DPYD: variants seen among roughly 807,000 people sequenced by gnomAD.
DPYD encodes the protein dihydropyrimidine dehydrogenase, also known as dihydropyrimidine dehydrogenase [NADP(+)].
DPYD carries 109 observed loss-of-function variants against 116.2 expected under a neutral mutation model. That is an observed-to-expected ratio of 0.94 (90% CI 0.80 to 1.10). DPYD has a LOEUF of 1.10. Ranked by LOEUF, DPYD falls within the 50% of genes least tolerant of loss-of-function variation. The probability of loss-of-function intolerance (pLI) is 0.00; values close to 1 mark genes in which losing one functional copy is unlikely to be tolerated. For missense variants in DPYD, 1,302 were observed against 1,254.5 expected (o/e 1.04, Z -0.57); for synonymous variants, 440 against 432.0 (o/e 1.02, Z -0.23).
At chr1:97,627,429 A>G (rs1332657388) in intron 8 of DPYD, among the ~76,000 whole-genome samples, 2 of 152,094 alleles carry the variant, frequency 1.3e-5, no homozygotes, top group Non-Finnish European at 2.9e-5. Context: ...CCAGTGTTCC[A>G]TTGTGCACTG....
chr1:97,267,467 G>A (rs771642003), intron 18 of DPYD, among the ~76,000 whole-genome samples: 1 of 152,104 alleles, frequency 6.6e-6, no homozygotes, highest in Non-Finnish European at 1.5e-5. Flanking sequence ...TCCAGAAGCT[G>A]GGAAATCCAA....
chr1:97,766,549 A>C (rs1453577060), intron 3 of DPYD, among the ~76,000 whole-genome samples: 1 of 152,154 alleles, frequency 6.6e-6, no homozygotes, highest in Non-Finnish European at 1.5e-5. Flanking sequence ...ACTATGATCA[A>C]ATTAAGGCTG....
At chr1:97,125,245 CT>C (rs1652747208) in intron 20 of DPYD, among the ~76,000 whole-genome samples, 1 of 151,998 alleles carries the variant, frequency 6.6e-6, no homozygotes, top group Non-Finnish European at 1.5e-5. Flanking sequence ...TGAATGGAGA[CT>C]CAACATGTAT....
chr1:97,135,730 A>G (rs1045746203), intron 20 of DPYD, among the ~76,000 whole-genome samples: 1 of 152,168 alleles, frequency 6.6e-6, no homozygotes, highest in African/African-American at 2.4e-5. Context: ...CTTGTTTTCT[A>G]TCCTCTATAC....
intron 8 of DPYD, among the ~76,000 whole-genome samples, chr1:97,598,944 G>A (rs1655066561): frequency 6.6e-6 from 1 of 152,176 alleles, no homozygotes; most frequent in Admixed American, 6.5e-5. Context: ...CCTTTTTCAT[G>A]TTTAAGGTTA....
intron 20 of DPYD, among the ~76,000 whole-genome samples, chr1:97,180,285 C>A (rs1201629934): frequency 2.0e-5 from 3 of 152,072 alleles, no homozygotes; most frequent in Non-Finnish European, 4.4e-5. Context: ...CCTATAATTA[C>A]CAGAAAATTG....
intron 14 of DPYD, among the ~76,000 whole-genome samples, chr1:97,434,168 T>A (rs1675331993): frequency 1.3e-5 from 2 of 152,114 alleles, no homozygotes; most frequent in South Asian, 4.1e-4. Context: ...GATTAGTCAA[T>A]CTGGTTACTT....
chr1:97,515,502 T>C (rs1290773121), intron 13 of DPYD, among the ~76,000 whole-genome samples: 1 of 151,952 alleles, frequency 6.6e-6, no homozygotes, highest in Non-Finnish European at 1.5e-5. Context: ...AATATTTATA[T>C]CTTTGTTGCT....
At chr1:97,118,504 T>C (rs548966109) in intron 20 of DPYD, among the ~76,000 whole-genome samples, 2 of 152,298 alleles carry the variant, frequency 1.3e-5, no homozygotes, top group East Asian at 3.9e-4. Flanking sequence ...TCCTGGCTTC[T>C]GCATGGGGCA....
chr1:97,486,076 C>A (rs554368996), intron 13 of DPYD, among the ~76,000 whole-genome samples: 20 of 152,112 alleles, frequency 1.3e-4, no homozygotes, highest in Non-Finnish European at 2.8e-4. Flanking sequence ...TAATGCACAA[C>A]CCCAAATACC....
At chr1:97,766,576 T>G (rs1019507205) in intron 3 of DPYD, among the ~76,000 whole-genome samples, 2 of 152,176 alleles carry the variant, frequency 1.3e-5, no homozygotes, top group African/African-American at 4.8e-5. Flanking sequence ...TAAAACCCTT[T>G]GTTAACACCT....
chr1:97,645,739 A>G (rs1286429781), intron 8 of DPYD, among the ~76,000 whole-genome samples: 1 of 151,996 alleles, frequency 6.6e-6, no homozygotes. Flanking sequence ...TACTGTTTGC[A>G]TATATAAAAG....
At chr1:97,173,906 C>G (rs753865246) in intron 20 of DPYD, among the ~76,000 whole-genome samples, 1 of 149,920 alleles carries the variant, frequency 6.7e-6, no homozygotes, top group Non-Finnish European at 1.5e-5. Context: ...AGTTTTGACT[C>G]TTTTCCAATT....
chr1:97,674,891 C>T (rs1660058226), intron 8 of DPYD, among the ~76,000 whole-genome samples: 1 of 152,150 alleles, frequency 6.6e-6, no homozygotes, highest in Non-Finnish European at 1.5e-5. Context: ...CTAATAGCTA[C>T]TTATTGATAG....
intron 14 of DPYD, among the ~76,000 whole-genome samples, chr1:97,424,736 A>G (rs1316902259): frequency 6.6e-6 from 1 of 152,000 alleles, no homozygotes; most frequent in Non-Finnish European, 1.5e-5. Context: ...TAAATATTAT[A>G]TTTTGGATTC....
At chr1:97,772,420 T>C (rs996581724) in intron 3 of DPYD, among the ~76,000 whole-genome samples, 2 of 152,146 alleles carry the variant, frequency 1.3e-5, no homozygotes, top group African/African-American at 4.8e-5. Flanking sequence ...CATCCTATCT[T>C]CTCTCCACAG....
intron 20 of DPYD, among the ~76,000 whole-genome samples, chr1:97,118,076 CT>C (rs1652121615): frequency 6.6e-6 from 1 of 151,998 alleles, no homozygotes; most frequent in Non-Finnish European, 1.5e-5. Context: ...TTTTTGCTTC[CT>C]TTTTGCTTGA....
chr1:97,829,638 T>C (rs1669426843), intron 2 of DPYD, among the ~76,000 whole-genome samples: 1 of 152,188 alleles, frequency 6.6e-6, no homozygotes, highest in Non-Finnish European at 1.5e-5. Flanking sequence ...ATAAATGTTG[T>C]TGATTGAGAC....
chr1:97,679,657 G>T lies in DPYD; in HGVS notation c.763-475C>A, dbSNP rs12057205. On this transcript the variant is annotated intron_variant, in intron 7 of 22. Coordinates refer to ENST00000370192, the MANE Select transcript of DPYD (RefSeq NM_000110.4). Reference sequence around the variant, plus strand: ...GAAGGTTGAGAATACAGAGAAGTGGGATTTCAATAGGGCCTTTAAAAGGAA... The same window carrying T: ...GAAGGTTGAGAATACAGAGAAGTGGTATTTCAATAGGGCCTTTAAAAGGAA... 5.0e-3 allele frequency among the ~76,000 whole-genome samples: 756 copies of T among 152,194 alleles called. 5 individuals are homozygous for T. The highest frequency in any genetic ancestry group is 0.017 in the African/African-American group (717 of 41,518).
Sources: allele counts gnomAD v4.1 joint callset (sites outside exome capture counted in the v4.1 genomes callset), GRCh38; gene constraint gnomAD v4.1.1; transcripts MANE v1.5; gene names NCBI Gene and HGNC (gene_info 2026-07-23, HGNC 2026-07-21).